The following BDH1 variants were observed in gnomAD, a reference collection of about 807,000 sequenced individuals.
BDH1 encodes the protein 3-hydroxybutyrate dehydrogenase 1.
A neutral mutation model predicts 33.1 loss-of-function variants in BDH1; 30 were observed. The observed-to-expected ratio is 0.91, with a 90% CI of 0.68 to 1.23. The LOEUF (loss-of-function observed/expected upper bound fraction) is 1.23. Among genes scored for constraint, BDH1 ranks in the 50% most tolerant of loss-of-function variants. The probability of loss-of-function intolerance (pLI) is 0.00; values close to 1 mark genes in which losing one functional copy is unlikely to be tolerated. For synonymous variants in BDH1, 190 were observed against 183.6 expected (o/e 1.03, Z -0.28); for missense variants, 443 against 464.4 (o/e 0.95, Z 0.42).
rs1480741965 is a variant in BDH1, at chr3:197,525,477, C to T, written c.268-2696G>A. Among the ~76,000 whole-genome samples the T allele has an allele frequency of 2.0e-5, 3 of 152,222 alleles. No individual in the cohort carries two copies. The highest frequency in any genetic ancestry group is 7.2e-5 in the African/African-American group (3 of 41,458). On this transcript the variant is annotated intron_variant, in intron 5 of 7. Coordinates refer to ENST00000392379, the MANE Select transcript of BDH1 (RefSeq NM_203314.3). The surrounding 1 kb of genome is among the most constrained non-coding windows in gnomAD (Gnocchi z 4.9). The stretch of plus-strand genomic sequence containing the variant: ...AGTCCTCAGGGGAAACCCCCGACTC[C>T]AAGTCAGTAAACTCTTAATTTGGCA...
At chr3:197,547,591 C>T (rs540089481) in intron 2 of BDH1, among the ~76,000 whole-genome samples, 2 of 152,382 alleles carry the variant, frequency 1.3e-5, no homozygotes, top group East Asian at 1.9e-4. Flanking sequence ...AGTAAACTCT[C>T]GCTTGTACTC....
Position 197,514,390 on chromosome 3 carries a change from C to T in BDH1, c.436G>A (p.Gly146Ser), listed in dbSNP as rs1003679199. ...KGMWGLVNNA[G>S]ISTFGEVEFT... ...TCCACCTCCCCGAACGTTGAGATGC[C>T]GGCATTGTTAACGAGGCCCCACATG... Residue 146 changes from glycine to serine, a missense_variant, in exon 7 of 8, where the codon GGC (glycine) becomes AGC (serine). By Grantham distance (56) the Gly-to-Ser change is moderately conservative (BLOSUM62 0). Transcript: ENST00000392379. This position sits in a 1 kb window ranked among gnomAD's most constrained non-coding sequence, Gnocchi z 4.2. The T allele has an allele frequency of 5.0e-6, 8 of 1,611,258 alleles. No homozygotes were observed. Among genetic ancestry groups the T allele is most frequent in the Admixed American group, 1.7e-5 (1 of 59,706 alleles).
intron 3 of BDH1, among the ~76,000 whole-genome samples, chr3:197,537,137 C>A (rs1482300793): frequency 6.6e-6 from 1 of 151,998 alleles, no homozygotes; most frequent in Non-Finnish European, 1.5e-5. Context: ...TACAGGCATG[C>A]ACCACCAGGT....
Position 197,511,690 on chromosome 3 carries a change from C to T in BDH1, c.*205G>A, listed in dbSNP as rs544447748. The T allele has an allele frequency of 2.7e-4, 132 of 496,536 alleles. No individual in the cohort carries two copies. Among genetic ancestry groups the T allele is most frequent in the Middle Eastern group, 2.0e-3 (4 of 1,978 alleles). 30.8% of individuals were successfully genotyped at this position (496,536 alleles called of 1,614,324 possible). On this transcript the variant is annotated 3_prime_UTR_variant, in exon 8 of 8. Coordinates refer to ENST00000392379, the MANE Select transcript of BDH1 (RefSeq NM_203314.3). ...TTGCCCTGAGATTTAGAGGCCTCTG[C>T]CTGCCACTCCACACCCTGTTTGTGA...
intron 2 of BDH1, among the ~76,000 whole-genome samples, chr3:197,550,086 AACCTG>A (rs1716432157): frequency 6.6e-6 from 1 of 152,018 alleles, no homozygotes; most frequent in African/African-American, 2.4e-5. Flanking sequence ...GCAAACGGGA[AACCTG>A]ACAAGTTCTC....
chr3:197,531,418 A>ATATATATATATACATATGTGT (rs1553872383), intron 5 of BDH1, among the ~76,000 whole-genome samples: 1 of 137,260 alleles, frequency 7.3e-6, no homozygotes, highest in African/African-American at 2.8e-5. Flanking sequence ...TTAAAAAAAA[A>ATATATATATATACATATGTGT]ATATATATAT....
chr3:197,527,275 G>A (rs1461399731), intron 5 of BDH1, among the ~76,000 whole-genome samples: 1 of 152,240 alleles, frequency 6.6e-6, no homozygotes, highest in East Asian at 1.9e-4. Context: ...GTCAAGAAAC[G>A]AAGTGTTACG....
rs1335441477 is a variant in BDH1, at chr3:197,512,250, A to G, written c.677T>C (p.Met226Thr). 3.2e-5 allele frequency: 52 copies of G among 1,613,368 alleles called. No individual in the cohort carries two copies. The highest frequency in any genetic ancestry group is 4.2e-5 in the Non-Finnish European group (49 of 1,180,018). The stretch of plus-strand genomic sequence containing the variant: ...GCTGACCTTCACGCCCAGGGGGTAC[A>G]TCTCATAGCGCAGGCAGTCCGAGAA... ...EAFSDCLRYE[M>T]YPLGVKVSVV... is the part of the protein sequence containing the mutation. The change falls in exon 8 of 8, where the codon ATG becomes ACG. Residue 226 changes from methionine to threonine, a missense_variant. Physicochemically the swap from Met to Thr is moderately conservative, Grantham distance 81. Coordinates refer to ENST00000392379, the MANE Select transcript of BDH1 (RefSeq NM_203314.3).
In BDH1 at chr3:197,515,015, G is replaced by A. The variant is rs563207653; in HGVS notation, c.410-599C>T. Among the ~76,000 whole-genome samples the A allele has an allele frequency of 8.5e-5, 13 of 152,310 alleles. 1 individual carries two copies. The highest frequency in any genetic ancestry group is 4.1e-4 in the South Asian group (2 of 4,834). The stretch of plus-strand genomic sequence containing the variant: ...GGAAACCCTCAGTGTTTGGTCTCCC[G>A]GGCCGATAGCCCCGTGCTCCTTCCC... On this transcript the variant is annotated intron_variant, in intron 6 of 7. Transcript: ENST00000392379.
intron 1 of BDH1, among the ~76,000 whole-genome samples, chr3:197,568,171 C>T (rs573147993): frequency 2.0e-5 from 3 of 152,318 alleles, no homozygotes; most frequent in East Asian, 3.9e-4. Context: ...ACAGAGCCAG[C>T]GTGCAGCCTG....
intron 4 of BDH1, among the ~76,000 whole-genome samples, chr3:197,533,204 C>T (rs911378104): frequency 2.0e-5 from 3 of 149,478 alleles, no homozygotes; most frequent in Non-Finnish European, 4.4e-5. Context: ...TAACCCCTAA[C>T]TTGCTGGGTG....
At chr3:197,538,826 T>G (rs1456925850) in intron 3 of BDH1, 1 of 168,172 alleles carries the variant, frequency 5.9e-6, no homozygotes, top group East Asian at 1.6e-4. Context: ...CAGAGGAGTC[T>G]GGATTTTAAG....
At chr3:197,566,058 A>G (rs1357861444) in intron 1 of BDH1, among the ~76,000 whole-genome samples, 1 of 152,242 alleles carries the variant, frequency 6.6e-6, no homozygotes, top group African/African-American at 2.4e-5. Context: ...GCTTTTAACA[A>G]TTGAGTGAAG....
upstream of BDH1, among the ~76,000 whole-genome samples, chr3:197,557,911 C>T (rs1015627652): frequency 4.8e-4 from 73 of 152,236 alleles, no homozygotes; most frequent in African/African-American, 1.6e-3. This position sits in a 1 kb window ranked among gnomAD's most constrained non-coding sequence, Gnocchi z 4.6. Context: ...GCTCCAGTGA[C>T]GGTGTTTCAG....
At chr3:197,533,708 C>A in intron 3 of BDH1, 147 bp from the exon 4 acceptor site, 1 of 708,982 alleles carries the variant, frequency 1.4e-6, no homozygotes, top group South Asian at 1.8e-5. Flanking sequence ...CTCTTTCCAC[C>A]AGGGTTGCTG....
chr3:197,546,215 T>C, intron 3 of BDH1, 146 bp downstream of exon 3: 1 of 741,214 alleles, frequency 1.3e-6, no homozygotes, highest in East Asian at 2.5e-5. Flanking sequence ...CCAGGACACC[T>C]CTGAGTTTCC....
In BDH1 at chr3:197,531,432, T is replaced by TATATGTGTATATATATATATAC. The variant is rs1371142697; in HGVS notation, c.267+958_267+979dup. Among the ~76,000 whole-genome samples the TATATGTGTATATATATATATAC allele has an allele frequency of 6.4e-3, 942 of 146,592 alleles. 9 individuals are homozygous for TATATGTGTATATATATATATAC. Among genetic ancestry groups the TATATGTGTATATATATATATAC allele is most frequent in the African/African-American group, 0.022 (894 of 40,116 alleles). ...ATTAAAAAAAAAATATATATATATA[T>TATATGTGTATATATATATATAC]ATATGTGTATATATATATATACATA... On this transcript the variant is annotated intron_variant, in intron 5 of 7. Coordinates refer to ENST00000392379, the MANE Select transcript of BDH1 (RefSeq NM_203314.3).
intron 2 of BDH1, among the ~76,000 whole-genome samples, chr3:197,547,823 G>A (rs192935320): frequency 3.5e-4 from 53 of 152,252 alleles, no homozygotes; most frequent in African/African-American, 1.3e-3. Context: ...ACGTGAGGGC[G>A]TTCCTGCCTC....
intron 5 of BDH1, among the ~76,000 whole-genome samples, chr3:197,531,001 TCAA>T (rs1414982465): frequency 6.6e-5 from 10 of 152,158 alleles, no homozygotes; most frequent in Admixed American, 2.0e-4. Flanking sequence ...TCAACAAGAA[TCAA>T]CAACAAGGAA....
Sources: allele counts gnomAD v4.1 joint callset (sites outside exome capture counted in the v4.1 genomes callset), GRCh38; gene constraint gnomAD v4.1.1; non-coding constraint Gnocchi (gnomAD v3.1); transcripts MANE v1.5; gene names NCBI Gene and HGNC (gene_info 2026-07-23, HGNC 2026-07-21).